Variants in STAG1 observed in about 807,000 individuals in gnomAD.
STAG1 encodes the protein cohesin subunit SA-1.
In STAG1, 26 loss-of-function variants were observed where a neutral mutation model predicts 170.9. That is an observed-to-expected ratio of 0.15 (90% CI 0.11 to 0.21). The LOEUF is 0.21. STAG1 is among the 10% of genes least tolerant of loss of function. The pLI is 1.00. For synonymous variants in STAG1, 514 were observed against 497.7 expected (o/e 1.03, Z -0.44); for missense variants, 964 against 1,509.5 (o/e 0.64, Z 5.99).
intron 15 of STAG1, among the ~76,000 whole-genome samples, chr3:136,440,712 G>T (rs2088605227): frequency 6.6e-6 from 1 of 152,028 alleles, no homozygotes; most frequent in African/African-American, 2.4e-5. Flanking sequence ...GTGTAAGCCG[G>T]GGAGTGGTGG....
chr3:136,710,242 C>T lies in STAG1; in HGVS notation c.-84+41953G>A, dbSNP rs147421442. ...CAGAAAAGTTCACCCAAACACAATTCCAACATTAAGTTTTTATAAAAATGC... is the reference window on the plus strand; with the variant it reads ...CAGAAAAGTTCACCCAAACACAATTTCAACATTAAGTTTTTATAAAAATGC... On this transcript the variant is annotated intron_variant, in intron 1 of 33. Transcript: ENST00000383202. Among the ~76,000 whole-genome samples, 326 of 152,228 alleles carry T rather than the reference C, an allele frequency of 2.1e-3. 8 individuals are homozygous for T. In the East Asian group the frequency reaches 0.048, roughly 22 times the overall value.
chr3:136,359,791 G>A (rs1485113668), intron 26 of STAG1, among the ~76,000 whole-genome samples: 1 of 152,160 alleles, frequency 6.6e-6, no homozygotes, highest in African/African-American at 2.4e-5. Flanking sequence ...TTACAGGCGT[G>A]AGCCACCACA....
At chr3:136,516,484 G>A (rs954856114) in intron 7 of STAG1, among the ~76,000 whole-genome samples, 1 of 151,760 alleles carries the variant, frequency 6.6e-6, no homozygotes, top group East Asian at 1.9e-4. Context: ...CTGCAGCCTG[G>A]GCAACAGAGT....
At chr3:136,691,061 G>C (rs1051983523) in intron 1 of STAG1, among the ~76,000 whole-genome samples, 2 of 151,888 alleles carry the variant, frequency 1.3e-5, no homozygotes, top group Non-Finnish European at 1.5e-5. Flanking sequence ...ACTCTGGAAA[G>C]CCAAGGCGGG....
In STAG1 at chr3:136,615,188, A is replaced by C. The variant is rs79708646; in HGVS notation, c.132+7958T>G. On this transcript the variant is annotated intron_variant, in intron 3 of 33. Coordinates refer to ENST00000383202, the MANE Select transcript of STAG1 (RefSeq NM_005862.3). ...GTAGAATTTAGAAAACAAGGGTTCC[A>C]GAACGAAAAAACACAATGAGCAATG... Among the ~76,000 whole-genome samples the C allele has an allele frequency of 2.9e-3, 447 of 152,186 alleles. 1 individual carries two copies. Among genetic ancestry groups the C allele is most frequent in the Non-Finnish European group, 5.3e-3 (362 of 68,004 alleles).
At chr3:136,521,745 TTAGAC>T (rs1559855929) in intron 6 of STAG1, among the ~76,000 whole-genome samples, 1 of 152,160 alleles carries the variant, frequency 6.6e-6, no homozygotes, top group South Asian at 2.1e-4. Context: ...TTTTTAAAGT[TTAGAC>T]TAGAAAGGAT....
intron 19 of STAG1, among the ~76,000 whole-genome samples, chr3:136,421,790 T>C (rs2087965094): frequency 6.6e-6 from 1 of 152,134 alleles, no homozygotes. Flanking sequence ...ATCACAATAA[T>C]TCAGCAATAT....
chr3:136,615,503 G>T (rs1225272724), intron 3 of STAG1, among the ~76,000 whole-genome samples: 1 of 150,714 alleles, frequency 6.6e-6, no homozygotes, highest in East Asian at 2.0e-4. Flanking sequence ...ATTCGTGGCC[G>T]GTCGGTGGCT....
intron 1 of STAG1, among the ~76,000 whole-genome samples, chr3:136,684,635 C>T (rs560279098): frequency 4.9e-4 from 75 of 151,958 alleles, no homozygotes; most frequent in Non-Finnish European, 3.2e-4. Flanking sequence ...CCTGCAGTCC[C>T]AGCTACTTGG....
chr3:136,403,980 T>G (rs562888744), intron 21 of STAG1, among the ~76,000 whole-genome samples: 1 of 152,348 alleles, frequency 6.6e-6, no homozygotes, highest in South Asian at 2.1e-4. Flanking sequence ...CTCGCAGACA[T>G]AATTCTATAA....
At chr3:136,644,058 AC>A (rs1203071573) in intron 1 of STAG1, among the ~76,000 whole-genome samples, 1 of 152,212 alleles carries the variant, frequency 6.6e-6, no homozygotes, top group African/African-American at 2.4e-5. Flanking sequence ...TTTGCTTATC[AC>A]AAACCTGAAG....
chr3:136,622,585 T>G (rs1939915714), intron 3 of STAG1, among the ~76,000 whole-genome samples: 2 of 152,166 alleles, frequency 1.3e-5, no homozygotes, highest in Admixed American at 6.5e-5. Context: ...AAAGAATTAC[T>G]AATAGCAAAT....
intron 5 of STAG1, among the ~76,000 whole-genome samples, chr3:136,546,128 C>G (rs917545586): frequency 6.6e-6 from 1 of 152,146 alleles, no homozygotes; most frequent in East Asian, 1.9e-4. Context: ...CTAGCTAGAG[C>G]TATAGAACTG....
At position 136,406,002 on chromosome 3, in the gene STAG1, T is replaced by C. The variant is rs138964611; in HGVS notation, c.2197-7173A>G. Among the ~76,000 whole-genome samples, 165 of 152,156 alleles carry C rather than the reference T, an allele frequency of 1.1e-3. 1 individual carries two copies. The highest frequency in any genetic ancestry group is 3.5e-3 in the African/African-American group (147 of 41,528). ...ACAGTTTCTAATAAAGTTAAATATA[T>C]AATTACCATAAAACCTAGCAATTTT... On this transcript the variant is annotated intron_variant, in intron 21 of 33. Transcript: ENST00000383202.
At chr3:136,541,829 T>C (rs1175448164) in intron 6 of STAG1, among the ~76,000 whole-genome samples, 1 of 152,176 alleles carries the variant, frequency 6.6e-6, no homozygotes, top group Admixed American at 6.5e-5. Flanking sequence ...GAGATGCATT[T>C]ATAAATTTGG....
intron 1 of STAG1, among the ~76,000 whole-genome samples, chr3:136,691,751 C>T (rs529448083): frequency 5.3e-5 from 8 of 152,244 alleles, no homozygotes; most frequent in Admixed American, 3.9e-4. Flanking sequence ...TATGACATTT[C>T]GCAGCTAGAT....
intron 1 of STAG1, among the ~76,000 whole-genome samples, chr3:136,640,732 G>T (rs1281597118): frequency 2.0e-5 from 3 of 149,324 alleles, no homozygotes; most frequent in Non-Finnish European, 4.4e-5. Context: ...GGGTACAGTG[G>T]CGCGATTTTG....
At chr3:136,383,972 A>AAAAAAC (rs1553797759) in intron 22 of STAG1, among the ~76,000 whole-genome samples, 1 of 147,298 alleles carries the variant, frequency 6.8e-6, no homozygotes, top group Non-Finnish European at 1.5e-5. Context: ...AAAAAAAAAA[A>AAAAAAC]AGAAACAGAA....
chr3:136,574,111 C>T (rs1284611660), intron 4 of STAG1, among the ~76,000 whole-genome samples: 4 of 151,126 alleles, frequency 2.6e-5, no homozygotes, highest in Non-Finnish European at 5.9e-5. Flanking sequence ...CATGGTGGCA[C>T]GCGCCTATAG....
Sources: gnomAD v4.1 joint callset for allele counts (sites outside exome capture counted in the v4.1 genomes callset) on GRCh38, gnomAD v4.1.1 for gene constraint, MANE v1.5 for transcripts, NCBI Gene and HGNC (gene_info 2026-07-23, HGNC 2026-07-21) for gene names.